DDC: variants seen among roughly 807,000 people sequenced by gnomAD.
DDC encodes the protein aromatic-L-amino-acid decarboxylase.
In DDC, 43 loss-of-function variants were observed where a neutral mutation model predicts 60.0. The ratio of observed to expected loss-of-function variants is 0.72; its 90% CI spans 0.56 to 0.92. The LOEUF (loss-of-function observed/expected upper bound fraction) is 0.92, where lower values mean the gene tolerates loss of function less well. Ranked by LOEUF, DDC falls within the 40% of genes least tolerant of loss-of-function variation. The pLI is 0.00. For missense variants in DDC, 573 were observed against 620.2 expected, an observed-to-expected ratio of 0.92 and a Z score of 0.81; for synonymous variants, 232 against 234.6, an observed-to-expected ratio of 0.99 and a Z score of 0.10.
chr7:50,560,107 C>T (rs553295088), intron 1 of DDC, among the ~76,000 whole-genome samples: 20 of 152,238 alleles, frequency 1.3e-4, no homozygotes, highest in African/African-American at 4.3e-4. Context: ...CTGGGGTCAC[C>T]GCACGCTGCC....
intron 6 of DDC, among the ~76,000 whole-genome samples, chr7:50,506,444 G>A (rs905934897): frequency 6.6e-6 from 1 of 152,124 alleles, no homozygotes; most frequent in Non-Finnish European, 1.5e-5. Context: ...CCTGGCACAT[G>A]TATACATATG....
chr7:50,540,507 C>A (rs901924515), intron 2 of DDC, among the ~76,000 whole-genome samples: 52 of 150,064 alleles, frequency 3.5e-4, no homozygotes, highest in African/African-American at 1.2e-3. Flanking sequence ...AAAAAAAAAA[C>A]CAAGCTCTGG....
rs142682738 is a variant in DDC, at chr7:50,502,520, C to T, written c.781+1473G>A. On this transcript the variant is annotated intron_variant, in intron 7 of 14. Transcript: ENST00000444124. ...AGTCAGAGGACTCCAAGTTGCTTGG[C>T]TGAGCTGATGAAGGTTTGCAGCTGA... Among the ~76,000 whole-genome samples the T allele has an allele frequency of 1.9e-3, 289 of 152,378 alleles. 1 individual carries two copies. The highest frequency in any genetic ancestry group is 6.7e-3 in the African/African-American group (278 of 41,592).
intron 11 of DDC, among the ~76,000 whole-genome samples, chr7:50,471,258 G>A (rs2042524125): frequency 6.6e-6 from 1 of 152,204 alleles, no homozygotes; most frequent in Non-Finnish European, 1.5e-5. Context: ...CTGGTATGGT[G>A]GCACATGCCT....
At chr7:50,472,720 G>A (rs989422691) in intron 11 of DDC, among the ~76,000 whole-genome samples, 2 of 152,154 alleles carry the variant, frequency 1.3e-5, no homozygotes, top group African/African-American at 4.8e-5. Flanking sequence ...CCATCAGAAA[G>A]AACACAGAGC....
chr7:50,552,500 G>C (rs1294859372), intron 1 of DDC, among the ~76,000 whole-genome samples: 1 of 152,142 alleles, frequency 6.6e-6, no homozygotes, highest in Admixed American at 6.5e-5. Context: ...TTTTGCATCA[G>C]CAACAGTCAG....
intron 2 of DDC, chr7:50,541,516 A>T (rs532747882): frequency 6.6e-6 from 1 of 152,346 alleles, no homozygotes; most frequent in African/African-American, 2.4e-5. Context: ...GGGTCCCCTT[A>T]ATAAGATTAG....
intron 6 of DDC, 76 bp downstream of exon 6, chr7:50,528,061 T>A (rs1327227541): frequency 1.3e-6 from 2 of 1,551,416 alleles, no homozygotes; most frequent in African/African-American, 2.7e-5. Flanking sequence ...CATGCCCGGC[T>A]AATTTTTTTT....
intron 12 of DDC, among the ~76,000 whole-genome samples, chr7:50,468,242 A>C (rs1383334167): frequency 6.6e-6 from 1 of 152,232 alleles, no homozygotes; most frequent in South Asian, 2.1e-4. Context: ...GGCGATCCCG[A>C]AAGCCGGTTC....
At chr7:50,488,421 A>C (rs1333677465) in intron 9 of DDC, among the ~76,000 whole-genome samples, 1 of 152,068 alleles carries the variant, frequency 6.6e-6, no homozygotes, top group African/African-American at 2.4e-5. Context: ...AAAAAAAGTT[A>C]TAAATATTAA....
intron 8 of DDC, 73 bp from the exon 9 acceptor site, chr7:50,495,490 C>T (rs1039314757): frequency 3.3e-5 from 41 of 1,225,638 alleles, no homozygotes; most frequent in Non-Finnish European, 4.4e-5. Flanking sequence ...AGACCCCATA[C>T]ATGATAATAA....
intron 1 of DDC, among the ~76,000 whole-genome samples, chr7:50,554,345 T>A (rs1003408264): frequency 6.6e-6 from 1 of 152,216 alleles, no homozygotes; most frequent in Non-Finnish European, 1.5e-5. Context: ...GAGGACTCTC[T>A]ACTTTCTGTC....
At chr7:50,527,711 CT>C in intron 6 of DDC, 1 of 226,978 alleles carries the variant, frequency 4.4e-6, no homozygotes, top group Non-Finnish European at 8.8e-6. Context: ...AAAGATAAGA[CT>C]TTTGGGATAA....
intron 12 of DDC, among the ~76,000 whole-genome samples, chr7:50,469,078 T>TA (rs1344262808): frequency 6.6e-6 from 1 of 151,320 alleles, no homozygotes; most frequent in Non-Finnish European, 1.5e-5. Flanking sequence ...TAGCTGGGAT[T>TA]ACAGGTGCCT....
At chr7:50,533,297 CTTT>C (rs34002033) in intron 4 of DDC, among the ~76,000 whole-genome samples, 12 of 136,128 alleles carry the variant, frequency 8.8e-5, no homozygotes, top group Admixed American at 2.2e-4. Flanking sequence ...GGAAAGGGGA[CTTT>C]TTTTTTTTTT....
intron 9 of DDC, among the ~76,000 whole-genome samples, chr7:50,485,282 T>G (rs775555797): frequency 1.3e-5 from 2 of 152,170 alleles, no homozygotes; most frequent in Non-Finnish European, 2.9e-5. Flanking sequence ...ATTCAGAATA[T>G]CAAATGAACA....
intron 12 of DDC, among the ~76,000 whole-genome samples, chr7:50,468,562 T>C (rs2042453312): frequency 6.6e-6 from 1 of 152,236 alleles, no homozygotes; most frequent in African/African-American, 2.4e-5. Flanking sequence ...CTCCTGGAAC[T>C]GTCCTCACCG....
chr7:50,547,189 G>A (rs756384544), intron 1 of DDC, among the ~76,000 whole-genome samples: 5 of 151,478 alleles, frequency 3.3e-5, no homozygotes, highest in Non-Finnish European at 5.9e-5. Flanking sequence ...TTCTCATGTT[G>A]ATAAATACTT....
intron 11 of DDC, among the ~76,000 whole-genome samples, chr7:50,473,564 C>A (rs2042579120): frequency 6.6e-6 from 1 of 152,346 alleles, no homozygotes; most frequent in South Asian, 2.1e-4. Context: ...AGGAACACAG[C>A]AGCACAGAAG....
Sources: gnomAD v4.1 joint callset for allele counts (sites outside exome capture counted in the v4.1 genomes callset) on GRCh38, gnomAD v4.1.1 for gene constraint, MANE v1.5 for transcripts, NCBI Gene and HGNC (gene_info 2026-07-23, HGNC 2026-07-21) for gene names.